Variants in LRRFIP1 observed in about 807,000 individuals in gnomAD.
LRRFIP1 encodes the protein LRR binding FLII interacting protein 1, also known as leucine-rich repeat flightless-interacting protein 1.
LRRFIP1 carries 62 observed loss-of-function variants against 104.4 expected under a neutral mutation model. That is an observed-to-expected ratio of 0.59 (90% CI 0.48 to 0.73). The LOEUF (loss-of-function observed/expected upper bound fraction) is 0.73, where lower values mean the gene tolerates loss of function less well. Among genes scored for constraint, LRRFIP1 ranks in the 30% least tolerant of loss-of-function variants. The probability of loss-of-function intolerance (pLI) is 0.00; values close to 1 mark genes in which losing one functional copy is unlikely to be tolerated. For missense variants in LRRFIP1, 796 were observed against 824.5 expected, an observed-to-expected ratio of 0.97 and a Z score of 0.42; for synonymous variants, 300 against 299.0, an observed-to-expected ratio of 1.00 and a Z score of -0.03.
intron 11 of LRRFIP1, among the ~76,000 whole-genome samples, chr2:237,745,184 A>T (rs1370623981): frequency 1.3e-5 from 2 of 152,174 alleles, no homozygotes; most frequent in Non-Finnish European, 2.9e-5. Context: ...TGCAGCTGTG[A>T]CACACTGCCA....
At chr2:237,760,287 C>A in intron 19 of LRRFIP1, 82 bp downstream of exon 19, 1 of 1,468,692 alleles carries the variant, frequency 6.8e-7, no homozygotes. Context: ...GGGTTGGAGC[C>A]ACCGTCGCTG....
chr2:237,640,713 C>T (rs2083820158), intron 1 of LRRFIP1, among the ~76,000 whole-genome samples: 2 of 152,222 alleles, frequency 1.3e-5, no homozygotes, highest in South Asian at 4.1e-4. Context: ...ATCCCTGCTG[C>T]CTCAGCCCTG....
chr2:237,727,161 G>T (rs7571886), intron 7 of LRRFIP1, among the ~76,000 whole-genome samples: 4,511 of 152,134 alleles, frequency 0.03, 71 homozygotes, highest in Middle Eastern at 0.092. Context: ...TTCGAGACCA[G>T]CCTGACCAAC....
chr2:237,700,243 C>T (rs1318030164), intron 1 of LRRFIP1, among the ~76,000 whole-genome samples: 3 of 152,136 alleles, frequency 2.0e-5, no homozygotes, highest in Non-Finnish European at 2.9e-5. Context: ...AAAGGGATCC[C>T]GTGTCACAGC....
chr2:237,697,698 G>T (rs1400049562), intron 1 of LRRFIP1, among the ~76,000 whole-genome samples: 1 of 152,188 alleles, frequency 6.6e-6, no homozygotes, highest in Non-Finnish European at 1.5e-5. Context: ...GAGGTCTGGG[G>T]TTTGTAGGAC....
intron 1 of LRRFIP1, among the ~76,000 whole-genome samples, chr2:237,700,934 A>G (rs1027289713): frequency 1.3e-5 from 2 of 152,120 alleles, no homozygotes; most frequent in African/African-American, 4.8e-5. Context: ...GTGGCTCATA[A>G]ACCCCTTCCA....
chr2:237,719,445 G>A (rs1489869798), intron 4 of LRRFIP1, 78 bp from the exon 5 acceptor site: 1 of 909,262 alleles, frequency 1.1e-6, no homozygotes, highest in Non-Finnish European at 1.8e-6. Flanking sequence ...GGTGCAGTGG[G>A]ACTACCTAAG....
Position 237,772,762 on chromosome 2 carries a change from T to C in LRRFIP1, c.1628-104T>C, listed in dbSNP as rs1370262484. ...GGAGGCAGGGCCAGAACTAACAGAT[T>C]TGTGAGATGATTACAAAGTAAGGGC... is the stretch of plus-strand genomic sequence containing the variant. On this transcript the variant is annotated intron_variant, in intron 21 of 23. Transcript: ENST00000308482. 8 of 788,164 alleles carry C rather than the reference T, an allele frequency of 1.0e-5. No homozygotes were observed. In the South Asian group the frequency reaches 1.1e-4, roughly 11 times the overall value. 48.8% of individuals were successfully genotyped at this position (788,164 alleles called of 1,614,324 possible).
rs751251220 is a variant in LRRFIP1, at chr2:237,733,819, G to C, written c.489+1G>C. The C allele has an allele frequency of 1.2e-6, 2 of 1,613,982 alleles. No homozygotes were observed. Among genetic ancestry groups the C allele is most frequent in the South Asian group, 2.2e-5 (2 of 91,084 alleles). ...TGCCCGGCCTTCGGGGAGTTACCGG[G>C]TGCGTGTGCTGCCCACCCTGCTGCC... is the stretch of plus-strand genomic sequence containing the variant. On this transcript the variant is annotated splice_donor_variant, in intron 9 of 23. Transcript: ENST00000308482. LOFTEE classifies it high-confidence loss of function.
chr2:237,682,806 T>C (rs547575626), intron 1 of LRRFIP1, among the ~76,000 whole-genome samples: 37 of 152,328 alleles, frequency 2.4e-4, no homozygotes, highest in Middle Eastern at 3.4e-3. Context: ...AGGCAACAGA[T>C]GTTAGATGCC....
At chr2:237,669,714 C>T (rs2090036632) in intron 1 of LRRFIP1, among the ~76,000 whole-genome samples, 1 of 152,106 alleles carries the variant, frequency 6.6e-6, no homozygotes, top group African/African-American at 2.4e-5. Flanking sequence ...TCAGCAGAAC[C>T]ACAGTGATGC....
At chr2:237,742,973 C>T (rs1197808815) in intron 11 of LRRFIP1, among the ~76,000 whole-genome samples, 1 of 152,006 alleles carries the variant, frequency 6.6e-6, no homozygotes, top group Non-Finnish European at 1.5e-5. Flanking sequence ...TCTTGTGCTT[C>T]CCCTGGAAAG....
At chr2:237,753,563 A>T in intron 15 of LRRFIP1, 84 bp downstream of exon 15, 4 of 1,183,784 alleles carry the variant, frequency 3.4e-6, no homozygotes, top group Non-Finnish European at 4.6e-6. Context: ...TGGGAGGCCA[A>T]GGTGGGAGGA....
chr2:237,643,535 C>T (rs929126435), intron 1 of LRRFIP1, among the ~76,000 whole-genome samples: 2 of 152,204 alleles, frequency 1.3e-5, no homozygotes, highest in African/African-American at 2.4e-5. Flanking sequence ...CGGTCATAAC[C>T]GTTACCATTG....
At chr2:237,774,618 G>A (rs941423487) in intron 23 of LRRFIP1, among the ~76,000 whole-genome samples, 156 bp downstream of exon 23, 7 of 152,250 alleles carry the variant, frequency 4.6e-5, no homozygotes. Context: ...CTTAATAAAG[G>A]AAGGCATGGC....
At chr2:237,682,364 G>A (rs953020278) in intron 1 of LRRFIP1, among the ~76,000 whole-genome samples, 12 of 152,306 alleles carry the variant, frequency 7.9e-5, no homozygotes, top group East Asian at 1.9e-4. Flanking sequence ...CCTGCTTTAC[G>A]TAGGAAGCTG....
intron 8 of LRRFIP1, among the ~76,000 whole-genome samples, chr2:237,730,891 C>G (rs527263392): frequency 5.3e-5 from 8 of 152,234 alleles, no homozygotes; most frequent in African/African-American, 1.9e-4. Context: ...GCACTCCAGC[C>G]TGGGCGACAG....
At chr2:237,750,920 T>G (rs2150654607) in intron 13 of LRRFIP1, among the ~76,000 whole-genome samples, 1 of 152,334 alleles carries the variant, frequency 6.6e-6, no homozygotes, top group East Asian at 1.9e-4. Context: ...TGAAATAACC[T>G]GTACCGTTTT....
rs1380618609 is a variant in LRRFIP1 at position 237,760,169 on chromosome 2, T to G, written c.1423T>G (p.Leu475Val). Residue 475 changes from leucine to valine, a missense_variant, in exon 19 of 24, where the codon TTA becomes GTA. Physicochemically the swap from Leu to Val is conservative, Grantham distance 32. Coordinates refer to ENST00000308482, the MANE Select transcript of LRRFIP1 (RefSeq NM_001137550.2). ...QGPTKMTKEE[L>V]NALKSTGDGT... ...TCCTACCAAGATGACAAAAGAAGAG[T>G]TAAATGCCCTCAAGTCGACAGGGGA... 8.7e-6 allele frequency: 14 copies of G among 1,613,850 alleles called. No homozygotes were observed. Among genetic ancestry groups the G allele is most frequent in the African/African-American group, 4.0e-5 (3 of 74,844 alleles).
Sources: allele counts gnomAD v4.1 joint callset (sites outside exome capture counted in the v4.1 genomes callset), GRCh38; gene constraint gnomAD v4.1.1; transcripts MANE v1.5; gene names NCBI Gene and HGNC (gene_info 2026-07-23, HGNC 2026-07-21).